The following CGGBP1 variants were observed in gnomAD, a reference collection of about 807,000 sequenced individuals.
The protein encoded by CGGBP1 is CGG triplet repeat binding protein 1.
Under a neutral mutation model 11.4 loss-of-function variants are expected in CGGBP1, and 4 were observed. That is an observed-to-expected ratio of 0.35 (90% confidence interval 0.17 to 0.80). The LOEUF (loss-of-function observed/expected upper bound fraction) is 0.80. Ranked by LOEUF, CGGBP1 falls within the 30% of genes least tolerant of loss-of-function variation. The pLI, the probability that CGGBP1 is intolerant of heterozygous loss-of-function variation, is 0.52. For missense variants in CGGBP1, 135 were observed against 202.1 expected, an observed-to-expected ratio of 0.67 and a Z score of 2.01; for synonymous variants, 76 against 74.1, an observed-to-expected ratio of 1.03 and a Z score of -0.13.
intron 2 of CGGBP1, among the ~76,000 whole-genome samples, chr3:88,073,097 G>T (rs973572629): frequency 6.6e-6 from 1 of 152,160 alleles, no homozygotes; most frequent in Non-Finnish European, 1.5e-5. Flanking sequence ...GTAGTTAATT[G>T]ATTAGAAATA....
intron 2 of CGGBP1, among the ~76,000 whole-genome samples, chr3:88,083,221 C>A (rs532872360): frequency 6.6e-6 from 1 of 152,278 alleles, no homozygotes; most frequent in Non-Finnish European, 1.5e-5. Flanking sequence ...TTTAGGAAGA[C>A]AAAATTCAGT....
Position 88,052,938 on chromosome 3 carries a change from A to G in CGGBP1, c.*2535T>C, listed in dbSNP as rs1405205940. 6.6e-6 allele frequency: 1 copy of G among 152,624 alleles called. No individual in the cohort carries two copies. Among genetic ancestry groups the G allele is most frequent in the Non-Finnish European group, 1.5e-5 (1 of 67,998 alleles). The allele number at this position is 152,624 out of a possible 1,614,324, so 9.5% of individuals were successfully genotyped here. On this transcript the variant is annotated 3_prime_UTR_variant, in exon 4 of 4. Coordinates refer to ENST00000482016, the MANE Select transcript of CGGBP1 (RefSeq NM_001008390.2). Reference sequence around the variant, plus strand: ...ATTGTGAAATTCTGGAAGACATACTATCAATACTTTGAGAAAACACTATTA... The same window carrying G: ...ATTGTGAAATTCTGGAAGACATACTGTCAATACTTTGAGAAAACACTATTA...
intron 2 of CGGBP1, chr3:88,129,704 T>C (rs1706334000): frequency 6.7e-7 from 1 of 1,498,580 alleles, no homozygotes; most frequent in East Asian, 2.5e-5. Context: ...TGAAAACTGA[T>C]TGTAAGAGTG....
chr3:88,105,892 A>G (rs533969026), intron 2 of CGGBP1, among the ~76,000 whole-genome samples: 9 of 152,342 alleles, frequency 5.9e-5, no homozygotes, highest in Admixed American at 3.3e-4. Context: ...TGATTAGGCC[A>G]TGAGGGCCTG....
intron 2 of CGGBP1, among the ~76,000 whole-genome samples, chr3:88,124,311 C>T (rs1404712439): frequency 1.3e-5 from 2 of 152,086 alleles, no homozygotes; most frequent in Non-Finnish European, 2.9e-5. Flanking sequence ...GTAACTTGCC[C>T]ATTGTTGGTA....
exon 1 of CGGBP1, chr3:88,149,867 A>G (rs2107926177): frequency 1.2e-5 from 8 of 651,560 alleles, no homozygotes; most frequent in South Asian, 1.9e-5. Flanking sequence ...CCGGAACCAC[A>G]AGTGAGGGCA....
At chr3:88,128,751 C>T in intron 2 of CGGBP1, 2 of 1,260,762 alleles carry the variant, frequency 1.6e-6, no homozygotes, top group Non-Finnish European at 2.2e-6. Context: ...TTTCAAAGAA[C>T]AAAGTTTGAG....
At chr3:88,118,385 A>G (rs899486949) in intron 2 of CGGBP1, among the ~76,000 whole-genome samples, 1 of 152,152 alleles carries the variant, frequency 6.6e-6, no homozygotes, top group Non-Finnish European at 1.5e-5. Context: ...GGAAAAAATC[A>G]TCAAAGGTAA....
chr3:88,096,805 T>C (rs542446096), intron 2 of CGGBP1, among the ~76,000 whole-genome samples: 2 of 152,240 alleles, frequency 1.3e-5, no homozygotes, highest in South Asian at 4.1e-4. Context: ...CATTTACCTG[T>C]CCCCTAGTTT....
intron 2 of CGGBP1, 197 bp from the exon 3 acceptor site, chr3:88,057,489 C>G (rs796519366): frequency 7.2e-5 from 11 of 152,220 alleles, no homozygotes; most frequent in African/African-American, 2.6e-4. Context: ...GTGTTTTACA[C>G]TCCCTCACAA....
chr3:88,081,249 A>G (rs1389340902), intron 2 of CGGBP1, among the ~76,000 whole-genome samples: 1 of 152,180 alleles, frequency 6.6e-6, no homozygotes, highest in Admixed American at 6.5e-5. Context: ...GTATTTTATT[A>G]TATAGTTCAC....
rs1576262849 is a variant in CGGBP1, at chr3:88,095,476, CTT to C, written c.-228-37255_-228-37254del. 9.8e-6 allele frequency: 4 copies of C among 407,586 alleles called. No homozygotes were observed. In the East Asian group the frequency reaches 3.1e-4, roughly 31 times the overall value. The allele number at this position is 407,586 out of a possible 1,614,324, so 25.2% of individuals were successfully genotyped here. A position where few individuals can be genotyped will look rare whatever the true frequency, so the allele number is the denominator to read the frequency against. ...AGGTACGCATGCAACATCAGTCTCT[CTT>C]CATAAAATGCTGTCATAATTTGTAG... is the stretch of plus-strand genomic sequence containing the variant. On this transcript the variant is annotated intron_variant, in intron 2 of 3. Coordinates refer to the CGGBP1 transcript ENST00000462901.
At chr3:88,140,779 C>T in intron 2 of CGGBP1, 5 of 1,613,724 alleles carry the variant, frequency 3.1e-6, no homozygotes, top group Non-Finnish European at 4.2e-6. Context: ...AGTGAACATA[C>T]TTCATATGGC....
At chr3:88,126,069 T>C in intron 2 of CGGBP1, 1 of 1,363,390 alleles carries the variant, frequency 7.3e-7, no homozygotes, top group East Asian at 2.6e-5. Context: ...TTATTGACAA[T>C]GATGATCAAG....
chr3:88,079,275 A>G (rs1707963696), intron 2 of CGGBP1, among the ~76,000 whole-genome samples: 1 of 152,064 alleles, frequency 6.6e-6, no homozygotes, highest in Admixed American at 6.5e-5. Flanking sequence ...GAACATCCAC[A>G]TTTTGGAGCA....
chr3:88,111,061 T>C (rs1014271996), intron 2 of CGGBP1, among the ~76,000 whole-genome samples: 1 of 152,004 alleles, frequency 6.6e-6, no homozygotes, highest in Admixed American at 6.6e-5. Flanking sequence ...ATTTCTGTGT[T>C]TTAGGAAGAT....
At position 88,073,258 on chromosome 3, in the gene CGGBP1, T is replaced by C. The variant is rs868206537; in HGVS notation, c.-228-15035A>G. Among the ~76,000 whole-genome samples the C allele has an allele frequency of 6.6e-5, 10 of 151,912 alleles. No homozygotes were observed. In the Middle Eastern group the frequency reaches 0.014, roughly 207 times the overall value. On this transcript the variant is annotated intron_variant, in intron 2 of 3. Coordinates refer to the CGGBP1 transcript ENST00000462901. The stretch of plus-strand genomic sequence containing the variant: ...CTGATTGTCACATTTTCCCAATGAG[T>C]CTAATGCATGCTAAAGTTTGAGAGC...
intron 2 of CGGBP1, chr3:88,140,740 C>A (rs1394960994): frequency 6.2e-7 from 1 of 1,613,608 alleles, no homozygotes; most frequent in Admixed American, 1.7e-5. Flanking sequence ...TTGCCAGTAT[C>A]TCAGGCACCT....
At position 88,081,396 on chromosome 3, in the gene CGGBP1, TCTC is replaced by T. The variant is rs373497891; in HGVS notation, c.-228-23176_-228-23174del. On this transcript the variant is annotated intron_variant, in intron 2 of 3. Coordinates refer to the CGGBP1 transcript ENST00000462901. ...ATACCTTGAGACTGCAAATCCTGCT[TCTC>T]CTCAAATTTTCACTCACTATTAGCA... 1.8e-3 allele frequency among the ~76,000 whole-genome samples: 281 copies of T among 152,274 alleles called. 1 individual carries two copies. Among genetic ancestry groups the T allele is most frequent in the African/African-American group, 6.3e-3 (262 of 41,562 alleles).
Sources: gnomAD v4.1 joint callset for allele counts (sites outside exome capture counted in the v4.1 genomes callset) on GRCh38, gnomAD v4.1.1 for gene constraint, MANE v1.5 for transcripts, NCBI Gene and HGNC (gene_info 2026-07-23, HGNC 2026-07-21) for gene names.